CDKL3: variants seen among roughly 807,000 people sequenced by gnomAD.
CDKL3 encodes cyclin dependent kinase like 3.
A neutral mutation model predicts 69.3 loss-of-function variants in CDKL3; 65 were observed. The observed-to-expected ratio is 0.94, with a 90% CI of 0.77 to 1.15. The LOEUF (loss-of-function observed/expected upper bound fraction) is 1.15, where lower values mean the gene tolerates loss of function less well. Among genes scored for constraint, CDKL3 ranks in the 50% most tolerant of loss-of-function variants. The pLI is 0.00. For missense variants in CDKL3, 652 were observed against 689.2 expected (o/e 0.95, Z 0.61); for synonymous variants, 202 against 221.6 (o/e 0.91, Z 0.79).
intron 12 of CDKL3, 134 bp downstream of exon 12, chr5:134,302,454 ATC>A (rs1766588397): frequency 8.2e-6 from 5 of 612,994 alleles, no homozygotes; most frequent in East Asian, 3.0e-5. Flanking sequence ...GAAAATATAG[ATC>A]TGTTTCTTTA....
At chr5:134,302,536 G>A in intron 12 of CDKL3, 54 bp downstream of exon 12, 2 of 889,228 alleles carry the variant, frequency 2.2e-6, no homozygotes, top group Non-Finnish European at 3.6e-6. Flanking sequence ...TATACACTGA[G>A]TCAAGTCCTC....
chr5:134,287,324 T>G (rs1427887045), intron 8 of CDKL3, among the ~76,000 whole-genome samples: 1 of 152,134 alleles, frequency 6.6e-6, no homozygotes, highest in Non-Finnish European at 1.5e-5. Context: ...CTCAATTATT[T>G]AATGGATCGA....
At chr5:134,335,872 T>A (rs1346268573) in intron 4 of CDKL3, among the ~76,000 whole-genome samples, 3 of 152,190 alleles carry the variant, frequency 2.0e-5, no homozygotes, top group Non-Finnish European at 4.4e-5. Flanking sequence ...TGGCCTGCCT[T>A]GCTAGGTTAG....
chr5:134,289,439 G>A (rs931513951), intron 8 of CDKL3, among the ~76,000 whole-genome samples: 9 of 152,248 alleles, frequency 5.9e-5, no homozygotes, highest in Middle Eastern at 3.4e-3. Flanking sequence ...GTAATAATGA[G>A]TAGCCACAAA....
chr5:134,328,122 C>A lies in CDKL3; in HGVS notation c.540-6219G>T, dbSNP rs575372038. ...AAAATTACACAGCATGCAAAGAAAT[C>A]TGTGAGAGATGACCCATACACCAGA... On this transcript the variant is annotated intron_variant, in intron 4 of 12. Transcript: ENST00000265334. 1.9e-4 allele frequency among the ~76,000 whole-genome samples: 29 copies of A among 152,304 alleles called. No individual in the cohort carries two copies. In the East Asian group the frequency reaches 5.4e-3, roughly 28 times the overall value.
At chr5:134,341,352 G>T (rs1004651222) in intron 4 of CDKL3, among the ~76,000 whole-genome samples, 1 of 152,078 alleles carries the variant, frequency 6.6e-6, no homozygotes, top group Non-Finnish European at 1.5e-5. Context: ...ACAGGAAAAA[G>T]AAATAAAAGG....
chr5:134,349,926 G>A (rs1204821820), intron 4 of CDKL3, among the ~76,000 whole-genome samples: 1 of 152,126 alleles, frequency 6.6e-6, no homozygotes, highest in Non-Finnish European at 1.5e-5. Flanking sequence ...ACTGACTCAC[G>A]CCTGTAATCC....
chr5:134,318,110 T>C (rs1252266031), intron 6 of CDKL3, among the ~76,000 whole-genome samples: 1 of 151,590 alleles, frequency 6.6e-6, no homozygotes, highest in Non-Finnish European at 1.5e-5. Context: ...TCCCAGCTAC[T>C]TGGGAGGCTG....
intron 12 of CDKL3, among the ~76,000 whole-genome samples, chr5:134,299,205 G>A (rs754345338): frequency 5.3e-5 from 8 of 152,124 alleles, no homozygotes; most frequent in Non-Finnish European, 1.2e-4. Context: ...TTCATGATAT[G>A]TTTAAATGCT....
At chr5:134,337,221 G>A (rs535815340) in intron 4 of CDKL3, among the ~76,000 whole-genome samples, 34 of 152,300 alleles carry the variant, frequency 2.2e-4, no homozygotes, top group African/African-American at 7.9e-4. Context: ...CAGAATTTGG[G>A]TAGGAGTGTA....
chr5:134,363,837 A>C (rs1228215684), intron 2 of CDKL3, among the ~76,000 whole-genome samples: 1 of 151,914 alleles, frequency 6.6e-6, no homozygotes, highest in African/African-American at 2.4e-5. Flanking sequence ...CATGCCTGTA[A>C]TCCTAGCTCT....
chr5:134,334,132 A>G (rs1776477274), intron 4 of CDKL3, among the ~76,000 whole-genome samples: 1 of 152,070 alleles, frequency 6.6e-6, no homozygotes, highest in Non-Finnish European at 1.5e-5. Flanking sequence ...GGTAGTTTGT[A>G]TTTCTGTGGG....
At chr5:134,371,414 A>AGGGCGGAGGGATCCGGAGG, upstream of CDKL3, 1 of 756,982 alleles carries the variant, frequency 1.3e-6, no homozygotes, top group Non-Finnish European at 2.1e-6. Context: ...GTAGCGGCGG[A>AGGGCGGAGGGATCCGGAGG]GGGCGGAGGG....
chr5:134,297,614 T>C (rs1310529659), downstream of CDKL3, among the ~76,000 whole-genome samples: 1 of 151,582 alleles, frequency 6.6e-6, no homozygotes, highest in Non-Finnish European at 1.5e-5. Flanking sequence ...GGAGTTTCAC[T>C]CTCGTTGCCC....
chr5:134,299,688 C>T (rs1431778100), intron 12 of CDKL3: 3 of 1,532,810 alleles, frequency 2.0e-6, no homozygotes, highest in South Asian at 2.4e-5. Flanking sequence ...TTTTCAGCTG[C>T]TGCATTTTCT....
In CDKL3 at chr5:134,291,509, G is replaced by A. The variant is rs554139720; in HGVS notation, c.*678-4950C>T. 5.9e-5 allele frequency among the ~76,000 whole-genome samples: 9 copies of A among 152,268 alleles called. 1 individual carries two copies. The highest frequency in any genetic ancestry group is 3.4e-3 in the Middle Eastern group (1 of 294). On this transcript the variant is annotated intron_variant and NMD_transcript_variant, in intron 8 of 8. Coordinates refer to the CDKL3 transcript ENST00000519312. ...AACCAGGCTGGGGACAGTGGCTTAC[G>A]CCTGTAATCCCAGCACTCTGGGAGG... is the stretch of plus-strand genomic sequence containing the variant.
chr5:134,312,002 C>T (rs1475667223), intron 7 of CDKL3, among the ~76,000 whole-genome samples: 1 of 151,976 alleles, frequency 6.6e-6, no homozygotes, highest in Non-Finnish European at 1.5e-5. Context: ...CTCTATGTTG[C>T]CCAGGCCGGT....
chr5:134,296,685 T>C (rs563636076), downstream of CDKL3, among the ~76,000 whole-genome samples: 11 of 151,970 alleles, frequency 7.2e-5, no homozygotes, highest in Non-Finnish European at 1.6e-4. Context: ...TGCTGGCTCA[T>C]GCTTGTAATC....
chr5:134,363,694 C>T lies in CDKL3; in HGVS notation c.165+2665G>A, dbSNP rs1483580734. The stretch of plus-strand genomic sequence containing the variant: ...CAGGCTGGTCTCGAACTCCTGAGCT[C>T]AGGCAATCCGCCCGCCTCGGCCTCC... On this transcript the variant is annotated intron_variant, in intron 2 of 12. Coordinates refer to ENST00000265334, the MANE Select transcript of CDKL3 (RefSeq NM_001113575.2). 2.0e-5 allele frequency among the ~76,000 whole-genome samples: 3 copies of T among 151,992 alleles called. No individual in the cohort carries two copies. The East Asian group carries it at 5.8e-4, about 29-fold the overall frequency.
Sources: allele counts gnomAD v4.1 joint callset (sites outside exome capture counted in the v4.1 genomes callset), GRCh38; gene constraint gnomAD v4.1.1; transcripts MANE v1.5; gene names NCBI Gene and HGNC (gene_info 2026-07-23, HGNC 2026-07-21).